The following LRP1B variants were observed in gnomAD, a reference collection of about 807,000 sequenced individuals.
The protein encoded by LRP1B is LDL receptor related protein 1B.
In LRP1B, 217 loss-of-function variants were observed where a neutral mutation model predicts 556.6. The ratio of observed to expected loss-of-function variants is 0.39; its 90% confidence interval spans 0.35 to 0.44. The LOEUF (loss-of-function observed/expected upper bound fraction) is 0.44. Among genes scored for constraint, LRP1B ranks in the 20% least tolerant of loss-of-function variants. The probability of loss-of-function intolerance (pLI) is 1.00; values close to 1 mark genes in which losing one functional copy is unlikely to be tolerated. For missense variants in LRP1B, 5,053 were observed against 5,620.8 expected (o/e 0.90, Z 3.23); for synonymous variants, 2,047 against 1,865.8 (o/e 1.10, Z -2.50).
chr2:140,492,248 G>C (rs993209547), intron 57 of LRP1B, among the ~76,000 whole-genome samples: 4 of 152,074 alleles, frequency 2.6e-5, no homozygotes, highest in African/African-American at 9.7e-5. Flanking sequence ...CTATCAATGA[G>C]TAACAAAATA....
intron 27 of LRP1B, among the ~76,000 whole-genome samples, chr2:140,858,192 A>G (rs1462139814): frequency 6.6e-6 from 1 of 152,144 alleles, no homozygotes; most frequent in African/African-American, 2.4e-5. Flanking sequence ...GCTGAGAACT[A>G]TCTAGCCCAC....
chr2:141,530,534 A>G (rs1559123873), intron 2 of LRP1B, among the ~76,000 whole-genome samples: 1 of 151,718 alleles, frequency 6.6e-6, no homozygotes, highest in Non-Finnish European at 1.5e-5. Context: ...TGCTAAGGAT[A>G]GAACAGTGAA....
chr2:140,538,371 C>T (rs185051007), intron 45 of LRP1B, among the ~76,000 whole-genome samples: 13 of 152,150 alleles, frequency 8.5e-5, no homozygotes, highest in South Asian at 4.2e-4. Flanking sequence ...CTTTGTCCAC[C>T]GTCTTTCTCT....
intron 1 of LRP1B, among the ~76,000 whole-genome samples, chr2:142,045,154 AAAC>A (rs1352548909): frequency 2.7e-5 from 4 of 148,548 alleles, no homozygotes; most frequent in African/African-American, 9.9e-5. Context: ...AAAAAAAAAA[AAAC>A]AACAACAAAA....
intron 18 of LRP1B, among the ~76,000 whole-genome samples, chr2:140,957,073 T>C (rs1047887577): frequency 2.0e-5 from 3 of 151,660 alleles, no homozygotes; most frequent in African/African-American, 4.8e-5. Context: ...GGGAAGACAT[T>C]TGGAATACAA....
intron 2 of LRP1B, among the ~76,000 whole-genome samples, chr2:141,572,991 T>A (rs1439919727): frequency 6.6e-6 from 1 of 152,008 alleles, no homozygotes; most frequent in Non-Finnish European, 1.5e-5. Context: ...TAGACCACAA[T>A]AATATTGGGA....
At chr2:142,099,589 G>A (rs10205169) in intron 1 of LRP1B, among the ~76,000 whole-genome samples, 56 of 151,644 alleles carry the variant, frequency 3.7e-4, no homozygotes, top group African/African-American at 1.2e-3. Flanking sequence ...TTAAGTATTC[G>A]CAATCCCAAA....
rs748079175 is a variant in LRP1B at position 140,935,208 on chromosome 2, A to C, written c.3137-12061T>G. Among the ~76,000 whole-genome samples the C allele has an allele frequency of 7.2e-5, 11 of 152,304 alleles. 1 individual carries two copies. The highest frequency in any genetic ancestry group is 3.4e-3 in the Middle Eastern group (1 of 294). ...ATCTCTGACAGAGATCTAATGGTAG[A>C]TGGACTAGACAAAGAATTTAAAACA... On this transcript the variant is annotated intron_variant, in intron 20 of 90. Coordinates refer to ENST00000389484, the MANE Select transcript of LRP1B (RefSeq NM_018557.3).
intron 2 of LRP1B, among the ~76,000 whole-genome samples, chr2:141,572,758 AAAAC>A (rs1197684591): frequency 7.2e-5 from 11 of 152,136 alleles, no homozygotes; most frequent in Admixed American, 1.3e-4. Context: ...AATGGAAAGC[AAAAC>A]AAACAAACAA....
intron 2 of LRP1B, among the ~76,000 whole-genome samples, chr2:141,603,692 C>T (rs73965724): frequency 0.026 from 4,007 of 152,168 alleles, 165 homozygotes; most frequent in African/African-American, 0.09. Flanking sequence ...TGAATCAACA[C>T]CTTACCATAT....
chr2:142,029,447 TAG>T (rs1210575836), intron 1 of LRP1B, among the ~76,000 whole-genome samples: 1 of 151,910 alleles, frequency 6.6e-6, no homozygotes, highest in East Asian at 1.9e-4. Flanking sequence ...ATCCTATTAC[TAG>T]AGTTATCTAG....
intron 2 of LRP1B, among the ~76,000 whole-genome samples, chr2:141,702,487 C>T (rs1292073570): frequency 2.0e-5 from 3 of 151,768 alleles, no homozygotes; most frequent in African/African-American, 4.8e-5. Context: ...TTATAAAACA[C>T]TCTGTAAATC....
At chr2:140,238,360 ATTATAT>A (rs1345497544) in intron 88 of LRP1B, 64 bp from the exon 89 acceptor site, 4 of 781,454 alleles carry the variant, frequency 5.1e-6, no homozygotes, top group Non-Finnish European at 5.9e-6. Context: ...GGCATATGAA[ATTATAT>A]TTATAGATTT....
At chr2:141,688,320 C>T (rs1309455735) in intron 2 of LRP1B, among the ~76,000 whole-genome samples, 1 of 151,738 alleles carries the variant, frequency 6.6e-6, no homozygotes, top group Non-Finnish European at 1.5e-5. Flanking sequence ...AAAATATATG[C>T]CAAACACTGG....
chr2:141,772,911 G>C (rs1694947978), intron 2 of LRP1B, among the ~76,000 whole-genome samples: 1 of 152,132 alleles, frequency 6.6e-6, no homozygotes, highest in Non-Finnish European at 1.5e-5. Flanking sequence ...TGACTTAAGG[G>C]AGCCCACAGT....
chr2:140,290,650 T>C (rs1009485496), intron 84 of LRP1B, among the ~76,000 whole-genome samples: 32 of 152,148 alleles, frequency 2.1e-4, no homozygotes, highest in African/African-American at 7.2e-4. Flanking sequence ...TCTCTTTTCC[T>C]GATCATTTTA....
intron 2 of LRP1B, among the ~76,000 whole-genome samples, chr2:141,523,765 G>A (rs571192258): frequency 7.9e-5 from 12 of 152,226 alleles, no homozygotes; most frequent in African/African-American, 2.4e-4. Context: ...AGGACACTTT[G>A]TTAGTGTCAG....
chr2:141,962,426 T>C (rs1271568527), intron 1 of LRP1B, among the ~76,000 whole-genome samples: 3 of 151,808 alleles, frequency 2.0e-5, no homozygotes, highest in Non-Finnish European at 4.4e-5. Flanking sequence ...TTTCCCACCA[T>C]AGCTTTATAA....
chr2:140,686,236 TG>T (rs1200373447), intron 41 of LRP1B, among the ~76,000 whole-genome samples: 4 of 152,090 alleles, frequency 2.6e-5, no homozygotes, highest in African/African-American at 9.7e-5. Flanking sequence ...ACATAAAATC[TG>T]GAGAGGAGGT....
Sources: gnomAD v4.1 joint callset for allele counts (sites outside exome capture counted in the v4.1 genomes callset) on GRCh38, gnomAD v4.1.1 for gene constraint, MANE v1.5 for transcripts, NCBI Gene and HGNC (gene_info 2026-07-23, HGNC 2026-07-21) for gene names.